The following UBE2O variants were observed in gnomAD, a reference collection of about 807,000 sequenced individuals.
UBE2O encodes the protein ubiquitin conjugating enzyme E2 O.
In UBE2O, 15 loss-of-function variants were observed where a neutral mutation model predicts 125.8. The observed-to-expected ratio is 0.12, with a 90% confidence interval of 0.08 to 0.18. The LOEUF is 0.18. Among genes scored for constraint, UBE2O ranks in the 10% least tolerant of loss-of-function variants. The pLI is 1.00. For synonymous variants in UBE2O, 708 were observed against 703.2 expected, an observed-to-expected ratio of 1.01 and a Z score of -0.11; for missense variants, 1,280 against 1,723.6, an observed-to-expected ratio of 0.74 and a Z score of 4.56.
rs34471769 is a variant in UBE2O, at chr17:76,399,652, C to A, written c.1425G>T (p.Ser475=). ...CCTCATCATCTGCGTCCTGCTCTGC[C>A]GAGTGCAGCCTGTCATCTCTGCCTT... is the stretch of plus-strand genomic sequence containing the variant. The part of the protein sequence containing the change: ...LKEGRDDRLH[S]AEQDADDEAA... Residue 475 remains serine, a synonymous_variant, in exon 9 of 18, where the codon TCG becomes TCT. Transcript: ENST00000319380. The surrounding 1 kb of genome is among the most constrained non-coding windows in gnomAD (Gnocchi z 6.9). 6.2e-7 allele frequency: 1 copy of A among 1,614,160 alleles called. No homozygotes were observed.
chr17:76,401,517 C>A (rs1268601623), intron 5 of UBE2O, among the ~76,000 whole-genome samples: 2 of 152,170 alleles, frequency 1.3e-5, no homozygotes, highest in African/African-American at 2.4e-5. Context: ...AACACATCAT[C>A]CTGTACTGAG....
In UBE2O at chr17:76,400,075, CCTT is replaced by C. The variant is rs2072291403; in HGVS notation, c.1155+69_1155+71del. 1.9e-6 allele frequency: 3 copies of C among 1,565,532 alleles called. No individual in the cohort carries two copies. The highest frequency in any genetic ancestry group is 2.2e-5 in the East Asian group (1 of 44,540). On this transcript the variant is annotated intron_variant, in intron 8 of 17. Transcript: ENST00000319380. The surrounding 1 kb of genome is among the most constrained non-coding windows in gnomAD (Gnocchi z 4.3). ...CCCCAAGGCCTAAAGCACAGACTGT[CCTT>C]CTTGGCCATGGAAATGGCTCAAGGC...
intron 1 of UBE2O, among the ~76,000 whole-genome samples, chr17:76,422,929 G>T (rs1158259350): frequency 6.6e-6 from 1 of 152,228 alleles, no homozygotes; most frequent in Non-Finnish European, 1.5e-5. Context: ...TGAAGGAAAA[G>T]CCATGGGAAT....
Position 76,452,949 on chromosome 17 carries a change from G to A in UBE2O, c.193C>T (p.Leu65=), listed in dbSNP as rs1361650126. 4 of 1,497,552 alleles carry A rather than the reference G, an allele frequency of 2.7e-6. No individual in the cohort carries two copies. The African/African-American group carries it at 5.8e-5, about 22-fold the overall frequency. 92.8% of individuals were successfully genotyped at this position (1,497,552 alleles called of 1,614,324 possible). A position where few individuals can be genotyped will look rare whatever the true frequency, so the allele number is the denominator to read the frequency against. The change falls in exon 1 of 18, where the codon CTG becomes TTG. Residue 65 remains leucine, a synonymous_variant. Transcript: ENST00000319380. The surrounding 1 kb of genome is among the most constrained non-coding windows in gnomAD (Gnocchi z 4.4). The part of the protein sequence containing the change: ...GSQRLLFSHD[L]VSGRYRGSVH... ...GAGCCACGGTAACGGCCCGACACCAGGTCGTGAGAAAACAGCAGGCGCTGC... is the reference window on the plus strand; with the variant it reads ...GAGCCACGGTAACGGCCCGACACCAAGTCGTGAGAAAACAGCAGGCGCTGC...
chr17:76,413,717 G>A (rs2072554646), intron 1 of UBE2O, among the ~76,000 whole-genome samples: 2 of 152,106 alleles, frequency 1.3e-5, no homozygotes, highest in African/African-American at 2.4e-5. Context: ...TACATCAGAG[G>A]GAGGACATCC....
intron 5 of UBE2O, 131 bp downstream of exon 5, chr17:76,401,933 C>A (rs2072333293): frequency 3.9e-6 from 3 of 773,498 alleles, no homozygotes; most frequent in South Asian, 4.5e-5. Context: ...ACTTTTAGAC[C>A]CTCTGGCGCG....
In UBE2O at chr17:76,452,713, C is replaced by T. The variant is rs2073275403; in HGVS notation, c.417+12G>A. The T allele has an allele frequency of 5.8e-6, 8 of 1,389,760 alleles. No homozygotes were observed. Among genetic ancestry groups the T allele is most frequent in the South Asian group, 1.7e-5 (1 of 59,904 alleles). 86.1% of individuals were successfully genotyped at this position (1,389,760 alleles called of 1,614,324 possible). On this transcript the variant is annotated intron_variant, in intron 1 of 17. Coordinates refer to ENST00000319380, the MANE Select transcript of UBE2O (RefSeq NM_022066.4). The surrounding 1 kb of genome is among the most constrained non-coding windows in gnomAD (Gnocchi z 4.4). ...CCTGCCGCCCGCGCCGCCCAGCCCC[C>T]GCCCGCCGCACCTTGGTCTCCTTCA...
intron 1 of UBE2O, among the ~76,000 whole-genome samples, chr17:76,432,145 G>A (rs576706149): frequency 6.6e-6 from 1 of 152,174 alleles, no homozygotes. Context: ...CTGTGAGGCA[G>A]CAGCAGCCAA....
intron 1 of UBE2O, among the ~76,000 whole-genome samples, chr17:76,419,125 T>G (rs1385278615): frequency 2.7e-5 from 4 of 149,890 alleles, no homozygotes; most frequent in Non-Finnish European, 3.0e-5. Flanking sequence ...CTCTACAGAT[T>G]TTTTTTTTTT....
At chr17:76,448,280 G>A (rs35319167) in intron 1 of UBE2O, among the ~76,000 whole-genome samples, 16,724 of 152,188 alleles carry the variant, frequency 0.11, 1,179 homozygotes, top group South Asian at 0.23. Context: ...TGAATAAAAC[G>A]CAATTTAGAT....
intron 1 of UBE2O, chr17:76,430,632 C>T (rs1446730232): frequency 1.2e-5 from 4 of 333,604 alleles, no homozygotes; most frequent in South Asian, 4.8e-5. Context: ...CAAAGCAATT[C>T]GCTTCTTATT....
chr17:76,446,324 C>T (rs1471756206), intron 1 of UBE2O, among the ~76,000 whole-genome samples: 6 of 152,154 alleles, frequency 3.9e-5, no homozygotes, highest in African/African-American at 9.7e-5. Flanking sequence ...ATGTTATACA[C>T]GACAATTGCA....
chr17:76,398,305 C>T lies in UBE2O; in HGVS notation c.1975G>A (p.Val659Ile). The stretch of plus-strand genomic sequence containing the variant: ...TCCTCAGTATTGCCGATGCGGATGA[C>T]GATGTCAGTTGTACGGAACCTAAAG... Reference protein sequence around the residue: ...PDFRFRTTDIVIRIGNTEDGA... With the variant: ...PDFRFRTTDIIIRIGNTEDGA... Residue 659 changes from valine (V) to isoleucine (I), a missense_variant, in exon 12 of 18, where the codon GTC becomes ATC. By Grantham distance (29) the Val-to-Ile change is conservative (BLOSUM62 3). Transcript: ENST00000319380. The surrounding 1 kb of genome is among the most constrained non-coding windows in gnomAD (Gnocchi z 5.4). 3.1e-6 allele frequency: 5 copies of T among 1,614,140 alleles called. No homozygotes were observed. The highest frequency in any genetic ancestry group is 4.2e-6 in the Non-Finnish European group (5 of 1,180,026).
chr17:76,440,324 CTT>C (rs757698260), intron 1 of UBE2O, among the ~76,000 whole-genome samples: 3 of 152,030 alleles, frequency 2.0e-5, no homozygotes, highest in East Asian at 1.9e-4. Context: ...AATTTCATCT[CTT>C]TGTTTTTTTT....
chr17:76,423,098 C>A (rs4789295), intron 1 of UBE2O, among the ~76,000 whole-genome samples: 48,119 of 151,798 alleles, frequency 0.32, 8,988 homozygotes, highest in African/African-American at 0.51. Context: ...TCTGGCAATG[C>A]AGGAAACAGG....
intron 1 of UBE2O, among the ~76,000 whole-genome samples, chr17:76,429,541 CAAAAAAAA>C (rs61081315): frequency 2.8e-5 from 2 of 71,808 alleles, no homozygotes; most frequent in Admixed American, 1.8e-4. Context: ...GACTCTGTCT[CAAAAAAAA>C]AAAAAAAAAA....
chr17:76,421,670 T>A (rs1019501573), intron 1 of UBE2O, among the ~76,000 whole-genome samples: 1 of 152,118 alleles, frequency 6.6e-6, no homozygotes, highest in Non-Finnish European at 1.5e-5. Flanking sequence ...CGGCCCTGAG[T>A]GACTATTTTC....
chr17:76,395,889 C>T lies in UBE2O; in HGVS notation c.2810-28G>A. On this transcript the variant is annotated intron_variant, in intron 14 of 17. Transcript: ENST00000319380. The surrounding 1 kb of genome is among the most constrained non-coding windows in gnomAD (Gnocchi z 5.0). ...AGAGGGGGGAAGAGAATAGTCAGTCCCTCATGGAGAGGCCCTGGAGCTCCA... is the reference window on the plus strand; with the variant it reads ...AGAGGGGGGAAGAGAATAGTCAGTCTCTCATGGAGAGGCCCTGGAGCTCCA... 6.2e-7 allele frequency: 1 copy of T among 1,613,354 alleles called. No individual in the cohort carries two copies. The highest frequency in any genetic ancestry group is 1.1e-5 in the South Asian group (1 of 91,062).
chr17:76,445,641 T>C (rs945464688), intron 1 of UBE2O, among the ~76,000 whole-genome samples: 1 of 152,184 alleles, frequency 6.6e-6, no homozygotes, highest in East Asian at 1.9e-4. Context: ...TCAGCCTGGA[T>C]TGAAGGACAT....
Sources: gnomAD v4.1 joint callset for allele counts (sites outside exome capture counted in the v4.1 genomes callset) on GRCh38, gnomAD v4.1.1 for gene constraint, Gnocchi (gnomAD v3.1) non-coding constraint, MANE v1.5 for transcripts, NCBI Gene and HGNC (gene_info 2026-07-23, HGNC 2026-07-21) for gene names.